Variants in CD2 observed in about 807,000 individuals in gnomAD.
CD2 encodes CD2 molecule.
CD2 carries 18 observed loss-of-function variants against 23.2 expected under a neutral mutation model. The observed-to-expected ratio is 0.77, with a 90% confidence interval of 0.54 to 1.15. The LOEUF is 1.15. Among genes scored for constraint, CD2 ranks in the 50% most tolerant of loss-of-function variants. The pLI, the probability that CD2 is intolerant of heterozygous loss-of-function variation, is 0.00. For missense variants in CD2, 424 were observed against 423.1 expected (o/e 1.00, Z -0.02); for synonymous variants, 162 against 151.9 (o/e 1.07, Z -0.49).
Position 116,765,194 on chromosome 1 carries a change from G to A in CD2, c.736+588G>A, listed in dbSNP as rs190101998. ...AAAAGGTTATGCTTGCAAGTGGGGAGCCGGCTTAGGGAGCATCCAGGCCAC... is the reference window on the plus strand; with the variant it reads ...AAAAGGTTATGCTTGCAAGTGGGGAACCGGCTTAGGGAGCATCCAGGCCAC... On this transcript the variant is annotated intron_variant, in intron 4 of 4. Coordinates refer to ENST00000369478, the MANE Select transcript of CD2 (RefSeq NM_001767.5). 3.4e-3 allele frequency among the ~76,000 whole-genome samples: 514 copies of A among 152,296 alleles called. 2 individuals are homozygous for A. Among genetic ancestry groups the A allele is most frequent in the African/African-American group, 0.012 (494 of 41,568 alleles).
At position 116,754,490 on chromosome 1, in the gene CD2, A is replaced by T; in HGVS notation, c.-3A>T. The T allele has an allele frequency of 6.2e-7, 1 of 1,613,808 alleles. No individual in the cohort carries two copies. Among genetic ancestry groups the T allele is most frequent in the Non-Finnish European group, 8.5e-7 (1 of 1,179,868 alleles). On this transcript the variant is annotated 5_prime_UTR_variant, in exon 1 of 5. It removes the in-frame stop codon of an upstream open reading frame in the 5' UTR. Transcript: ENST00000369478. ...GAATCAAAAGAGGAAACCAACCCCTAAGATGAGCTTTCCATGTAAATTTGT... is the reference window on the plus strand; with the variant it reads ...GAATCAAAAGAGGAAACCAACCCCTTAGATGAGCTTTCCATGTAAATTTGT...
chr1:116,757,552 G>C (rs1033296182), intron 2 of CD2, among the ~76,000 whole-genome samples: 4 of 151,968 alleles, frequency 2.6e-5, no homozygotes, highest in African/African-American at 9.7e-5. Flanking sequence ...TCATGTTAGC[G>C]AAATACTAGA....
intron 2 of CD2, among the ~76,000 whole-genome samples, chr1:116,760,156 G>T (rs1003259722): frequency 6.6e-6 from 1 of 152,174 alleles, no homozygotes; most frequent in Admixed American, 6.5e-5. Context: ...GTATAAGACA[G>T]CATATAAACA....
chr1:116,757,482 G>A (rs142309436), intron 2 of CD2, among the ~76,000 whole-genome samples: 33 of 152,188 alleles, frequency 2.2e-4, no homozygotes, highest in African/African-American at 7.5e-4. Flanking sequence ...GTTCTAAGAC[G>A]CTATCTTAGT....
At position 116,754,541 on chromosome 1, in the gene CD2, G is replaced by A. The variant is rs201028316; in HGVS notation, c.49G>A (p.Val17Ile). 14 of 1,614,040 alleles carry A rather than the reference G, an allele frequency of 8.7e-6. No homozygotes were observed. Among genetic ancestry groups the A allele is most frequent in the Admixed American group, 1.7e-5 (1 of 59,990 alleles). The change falls in exon 1 of 5, where the codon GTT (valine) becomes ATT (isoleucine). Residue 17 changes from valine to isoleucine, a missense_variant. Transcript: ENST00000369478. ...AGCCAGCTTCCTTCTGATTTTCAAT[G>A]TTTCTTCCAAAGGTAAGCATAAGAG... is the stretch of plus-strand genomic sequence containing the variant. ...FVASFLLIFN[V>I]SSKGAVSKEI...
chr1:116,760,644 G>A lies in CD2; in HGVS notation c.613+12G>A, dbSNP rs200257499. ...TGTCAGCTGTCCAGGTGCGTGGCGG[G>A]CATCACTTCACAAACACAGCCTGCC... On this transcript the variant is annotated intron_variant, in intron 3 of 4. Transcript: ENST00000369478. 3.1e-6 allele frequency: 5 copies of A among 1,606,758 alleles called. No individual in the cohort carries two copies. In the Admixed American group the frequency reaches 8.3e-5, roughly 27 times the overall value.
At chr1:116,756,546 T>A (rs1397516392) in intron 2 of CD2, among the ~76,000 whole-genome samples, 2 of 152,044 alleles carry the variant, frequency 1.3e-5, no homozygotes, top group Non-Finnish European at 2.9e-5. Flanking sequence ...AACTCAGAGG[T>A]CTTTTTGGCA....
chr1:116,759,887 C>T (rs1335696024), intron 2 of CD2, among the ~76,000 whole-genome samples: 1 of 152,190 alleles, frequency 6.6e-6, no homozygotes, highest in Non-Finnish European at 1.5e-5. Context: ...CAGAGGTATC[C>T]AAGGTCCCCA....
rs1482528171 is a variant in CD2, at chr1:116,764,588, C to G, written c.718C>G (p.Gln240Glu). 1.2e-6 allele frequency: 2 copies of G among 1,613,938 alleles called. No individual in the cohort carries two copies. Among genetic ancestry groups the G allele is most frequent in the Non-Finnish European group, 1.7e-6 (2 of 1,179,918 alleles). The change falls in exon 4 of 5, where the codon CAG becomes GAG. Residue 240 changes from glutamine (Q) to glutamate (E), a missense_variant. Coordinates refer to ENST00000369478, the MANE Select transcript of CD2 (RefSeq NM_001767.5). ...LVFYITKRKKQRSRRNDEELE... is the reference protein window; with the variant it reads ...LVFYITKRKKERSRRNDEELE... ...TTTCTATATCACCAAAAGGAAAAAA[C>G]AGAGGAGTCGGAGAAATGGTAAGCT...
intron 4 of CD2, among the ~76,000 whole-genome samples, chr1:116,766,813 C>T (rs1030475788): frequency 6.6e-6 from 1 of 151,828 alleles, no homozygotes. Flanking sequence ...CAGTGAGATA[C>T]GATCACACAC....
At position 116,763,349 on chromosome 1, in the gene CD2, G is replaced by C. The variant is rs571181135; in HGVS notation, c.614-1135G>C. Among the ~76,000 whole-genome samples the C allele has an allele frequency of 3.3e-5, 5 of 152,252 alleles. No individual in the cohort carries two copies. In the South Asian group the frequency reaches 1.0e-3, roughly 32 times the overall value. The stretch of plus-strand genomic sequence containing the variant: ...GCTTCATGTATAACAGTGTCTCCCT[G>C]GTATGTTTTTGCCTGGAGAAGCATT... On this transcript the variant is annotated intron_variant, in intron 3 of 4. Transcript: ENST00000369478.
chr1:116,764,468 T>C lies in CD2; in HGVS notation c.614-16T>C, dbSNP rs760193629. 6.2e-7 allele frequency: 1 copy of C among 1,613,058 alleles called. No homozygotes were observed. Among genetic ancestry groups the C allele is most frequent in the Non-Finnish European group, 8.5e-7 (1 of 1,179,536 alleles). ...CTGGACCCCTCCCAGCCATCCCACT[T>C]CTCTTCCTTTTGCAGAGAAAGGTCT... On this transcript the variant is annotated splice_polypyrimidine_tract_variant and intron_variant, in intron 3 of 4. Coordinates refer to ENST00000369478, the MANE Select transcript of CD2 (RefSeq NM_001767.5).
chr1:116,760,719 C>A, intron 3 of CD2, 87 bp downstream of exon 3: 1 of 1,004,278 alleles, frequency 1.0e-6, no homozygotes, highest in Non-Finnish European at 1.5e-6. Flanking sequence ...GGTGCTCATG[C>A]TGGGAGGCAG....
chr1:116,761,847 T>C (rs1345012658), intron 3 of CD2, among the ~76,000 whole-genome samples: 4 of 152,190 alleles, frequency 2.6e-5, no homozygotes, highest in African/African-American at 2.4e-5. Flanking sequence ...GCAACTTTTT[T>C]TGAGACAGGG....
chr1:116,764,295 C>A (rs938491427), intron 3 of CD2, 189 bp from the exon 4 acceptor site: 3 of 365,712 alleles, frequency 8.2e-6, no homozygotes, highest in Non-Finnish European at 1.1e-5. Flanking sequence ...GCAGAGGGAG[C>A]TTCCCAAGGA....
chr1:116,760,497 C>A lies in CD2; in HGVS notation c.478C>A (p.Gln160Lys), dbSNP rs1333143873. The A allele has an allele frequency of 1.2e-6, 2 of 1,614,086 alleles. No individual in the cohort carries two copies. The highest frequency in any genetic ancestry group is 1.7e-6 in the Non-Finnish European group (2 of 1,180,028). Residue 160 changes from glutamine (Q) to lysine (K), a missense_variant, in exon 3 of 5, where the codon CAA becomes AAA. Coordinates refer to ENST00000369478, the MANE Select transcript of CD2 (RefSeq NM_001767.5). ...AACTGACCCCGAATTAAACCTGTAT[C>A]AAGATGGGAAACATCTAAAACTTTC... is the stretch of plus-strand genomic sequence containing the variant. ...NGTDPELNLYQDGKHLKLSQR... is the reference protein window; with the variant it reads ...NGTDPELNLYKDGKHLKLSQR...
chr1:116,756,781 T>A (rs1189913861), intron 2 of CD2, among the ~76,000 whole-genome samples: 1 of 152,126 alleles, frequency 6.6e-6, no homozygotes. Flanking sequence ...ACATCTTGAT[T>A]CAACTTGTAG....
Position 116,754,643 on chromosome 1 carries a change from A to G in CD2, c.74A>G (p.Lys25Arg), listed in dbSNP as rs1201404636. The G allele has an allele frequency of 6.2e-7, 1 of 1,608,152 alleles. No individual in the cohort carries two copies. The highest frequency in any genetic ancestry group is 8.5e-7 in the Non-Finnish European group (1 of 1,178,364). The change falls in exon 2 of 5, where the codon AAA (lysine) becomes AGA (arginine). Residue 25 changes from lysine to arginine, a missense_variant. Coordinates refer to ENST00000369478, the MANE Select transcript of CD2 (RefSeq NM_001767.5). ...FNVSSKGAVSKEITNALETWG... is the reference protein window; with the variant it reads ...FNVSSKGAVSREITNALETWG... ...TTGCTTTTTATAGGTGCAGTCTCCA[A>G]AGAGATTACGAATGCCTTGGAAACC...
chr1:116,763,343 C>T (rs3136709), intron 3 of CD2, among the ~76,000 whole-genome samples: 2 of 152,216 alleles, frequency 1.3e-5, no homozygotes, highest in African/African-American at 4.8e-5. Flanking sequence ...ATAACAGTGT[C>T]TCCCTGGTAT....
Sources: allele counts gnomAD v4.1 joint callset (sites outside exome capture counted in the v4.1 genomes callset), GRCh38; gene constraint gnomAD v4.1.1; transcripts MANE v1.5; gene names NCBI Gene and HGNC (gene_info 2026-07-23, HGNC 2026-07-21).